The following PCDHA12 variants were observed in gnomAD, a reference collection of about 807,000 sequenced individuals.
PCDHA12 encodes protocadherin alpha-12.
A neutral mutation model predicts 60.0 loss-of-function variants in PCDHA12; 44 were observed. The observed-to-expected ratio is 0.73, with a 90% CI of 0.58 to 0.94. The LOEUF (loss-of-function observed/expected upper bound fraction) is 0.94, where lower values mean the gene tolerates loss of function less well. Among genes scored for constraint, PCDHA12 ranks in the 40% least tolerant of loss-of-function variants. The pLI is 0.00. For missense variants in PCDHA12, 1,276 were observed against 1,239.7 expected, an observed-to-expected ratio of 1.03 and a Z score of -0.44; for synonymous variants, 569 against 553.0, an observed-to-expected ratio of 1.03 and a Z score of -0.40.
At chr5:140,962,710 T>C (rs2095702479) in intron 1 of PCDHA12, among the ~76,000 whole-genome samples, 1 of 152,246 alleles carries the variant, frequency 6.6e-6, no homozygotes, top group South Asian at 2.1e-4. Context: ...ATAATCATAT[T>C]GGAAAGTATT....
chr5:140,891,148 A>C (rs913917156), intron 1 of PCDHA12, among the ~76,000 whole-genome samples: 2 of 151,726 alleles, frequency 1.3e-5, no homozygotes, highest in Non-Finnish European at 2.9e-5. Flanking sequence ...TATTCTGTTT[A>C]TTTTCCTTTG....
At chr5:140,948,136 T>C (rs2094216707) in intron 1 of PCDHA12, among the ~76,000 whole-genome samples, 1 of 151,776 alleles carries the variant, frequency 6.6e-6, no homozygotes, top group African/African-American at 2.4e-5. Flanking sequence ...ATTACACTAA[T>C]TGATTTTTGA....
chr5:140,935,447 A>G (rs542363713), intron 1 of PCDHA12, among the ~76,000 whole-genome samples: 1 of 152,364 alleles, frequency 6.6e-6, no homozygotes, highest in South Asian at 2.1e-4. Flanking sequence ...AAATAATATG[A>G]TACTGTAGCA....
intron 1 of PCDHA12, among the ~76,000 whole-genome samples, chr5:140,896,597 G>A (rs577303751): frequency 1.3e-5 from 2 of 151,484 alleles, no homozygotes; most frequent in African/African-American, 4.8e-5. Flanking sequence ...GGCTGGTCTC[G>A]AACTCCTGGT....
intron 1 of PCDHA12, among the ~76,000 whole-genome samples, chr5:140,884,904 A>G (rs2060400953): frequency 6.6e-6 from 1 of 152,226 alleles, no homozygotes; most frequent in Non-Finnish European, 1.5e-5. Flanking sequence ...TTTCTGTTGT[A>G]TTCTTAATAG....
At chr5:140,963,319 G>T (rs1554226565) in intron 1 of PCDHA12, among the ~76,000 whole-genome samples, 1 of 152,174 alleles carries the variant, frequency 6.6e-6, no homozygotes, top group East Asian at 1.9e-4. Flanking sequence ...GTTTGTATTA[G>T]AATTACACAG....
rs567582281 is a variant in PCDHA12 at position 140,946,595 on chromosome 5, G to C, written c.2368-32354G>C. ...CTTAGGTGTTCATAGTGGATGAATA[G>C]ATAAAGAAAATGTGAAATATATATA... On this transcript the variant is annotated intron_variant, in intron 1 of 3. Transcript: ENST00000398631. Among the ~76,000 whole-genome samples, 13 of 108,580 alleles carry C rather than the reference G, an allele frequency of 1.2e-4. No homozygotes were observed. In the South Asian group the frequency reaches 1.5e-3, roughly 12 times the overall value. 71.2% of individuals were successfully genotyped at this position (108,580 alleles called of 152,430 possible).
intron 1 of PCDHA12, chr5:140,967,407 G>A: frequency 6.2e-7 from 1 of 1,613,098 alleles, no homozygotes; most frequent in South Asian, 1.1e-5. Context: ...CTGCGTAAGG[G>A]CCTAGACCGG....
At chr5:140,928,074 C>CT in intron 1 of PCDHA12, 1 of 1,614,216 alleles carries the variant, frequency 6.2e-7, no homozygotes, top group Non-Finnish European at 8.5e-7. Context: ...TTGACAACTA[C>CT]TACAGCCTGC....
chr5:140,957,407 A>G lies in PCDHA12; in HGVS notation c.2368-21542A>G, dbSNP rs570373783. On this transcript the variant is annotated intron_variant, in intron 1 of 3. Coordinates refer to ENST00000398631, the MANE Select transcript of PCDHA12 (RefSeq NM_018903.4). ...GTTATAATTGTCCTAATTTATTATT[A>G]TTGTTGTTAATCTTTTACTGTGCCT... Among the ~76,000 whole-genome samples, 13 of 152,274 alleles carry G rather than the reference A, an allele frequency of 8.5e-5. No homozygotes were observed. The South Asian group carries it at 2.7e-3, about 32-fold the overall frequency.
chr5:140,978,633 CA>C (rs2096813426), intron 1 of PCDHA12, among the ~76,000 whole-genome samples: 1 of 152,214 alleles, frequency 6.6e-6, no homozygotes, highest in South Asian at 2.1e-4. Context: ...TTTCCTTTCT[CA>C]AAGCAGACTG....
chr5:140,982,507 G>C lies in PCDHA12; in HGVS notation c.2459G>C (p.Arg820Pro). 6.2e-7 allele frequency: 1 copy of C among 1,614,138 alleles called. No homozygotes were observed. ...CACCTAGAGGAGGCTGGCATTCTAC[G>C]GGCTGGTCCAGGAGGGCCTGATCAG... ...SVHLEEAGIL[R>P]AGPGGPDQQW... is the part of the protein sequence containing the mutation. The change falls in exon 3 of 4, where the codon CGG becomes CCG. Residue 820 changes from arginine to proline, a missense_variant. Coordinates refer to ENST00000398631, the MANE Select transcript of PCDHA12 (RefSeq NM_018903.4).
chr5:140,947,975 A>C lies in PCDHA12; in HGVS notation c.2368-30974A>C, dbSNP rs572156919. ...TTTTACAATTAAGTATGTGCTACTC[A>C]TAGGTTTTTCCCAAATACTTTATTA... On this transcript the variant is annotated intron_variant, in intron 1 of 3. Transcript: ENST00000398631. Among the ~76,000 whole-genome samples the C allele has an allele frequency of 2.7e-5, 4 of 150,726 alleles. No individual in the cohort carries two copies. In the East Asian group the frequency reaches 7.8e-4, roughly 29 times the overall value.
intron 3 of PCDHA12, among the ~76,000 whole-genome samples, chr5:141,008,809 C>A (rs1397377778): frequency 6.6e-6 from 1 of 152,160 alleles, no homozygotes; most frequent in African/African-American, 2.4e-5. Flanking sequence ...CAAATAGGCT[C>A]AATTTACAAC....
In PCDHA12 at chr5:140,893,987, T is replaced by C. The variant is rs112405686; in HGVS notation, c.2367+16148T>C. Among the ~76,000 whole-genome samples, 507 of 152,320 alleles carry C rather than the reference T, an allele frequency of 3.3e-3. 2 individuals carry two copies. The highest frequency in any genetic ancestry group is 0.012 in the African/African-American group (487 of 41,562). ...TAGATACTTTTATAATTTTAAAATA[T>C]CTCCAATTGTATGGTTGGTTCAAAT... is the stretch of plus-strand genomic sequence containing the variant. On this transcript the variant is annotated intron_variant, in intron 1 of 3. Transcript: ENST00000398631.
At position 140,985,761 on chromosome 5, in the gene PCDHA12, A is replaced by C. The variant is rs1239020885; in HGVS notation, c.2515+3198A>C. On this transcript the variant is annotated intron_variant, in intron 3 of 3. Transcript: ENST00000398631. ...TTCCTTTTTTTTTTTTTTTTTTTTGAGACAGTCTCGCTCTGTCGCCCAGGC... is the reference window on the plus strand; with the variant it reads ...TTCCTTTTTTTTTTTTTTTTTTTTGCGACAGTCTCGCTCTGTCGCCCAGGC... 7.9e-5 allele frequency among the ~76,000 whole-genome samples: 5 copies of C among 63,266 alleles called. No individual in the cohort carries two copies. In the East Asian group the frequency reaches 3.3e-3, roughly 41 times the overall value. 41.5% of individuals were successfully genotyped at this position (63,266 alleles called of 152,430 possible). A position where few individuals can be genotyped will look rare whatever the true frequency, so the allele number is the denominator to read the frequency against.
intron 3 of PCDHA12, among the ~76,000 whole-genome samples, chr5:141,001,642 G>A (rs1399710505): frequency 6.6e-6 from 1 of 152,110 alleles, no homozygotes; most frequent in African/African-American, 2.4e-5. Flanking sequence ...GGGGGTGAAG[G>A]TGTGGGAGAA....
At chr5:140,971,692 C>G (rs2096492766) in intron 1 of PCDHA12, among the ~76,000 whole-genome samples, 1 of 152,116 alleles carries the variant, frequency 6.6e-6, no homozygotes, top group South Asian at 2.1e-4. Context: ...TTTGTACTCA[C>G]TAACCACCCT....
At chr5:140,958,696 G>A (rs1276859394) in intron 1 of PCDHA12, among the ~76,000 whole-genome samples, 1 of 152,156 alleles carries the variant, frequency 6.6e-6, no homozygotes, top group African/African-American at 2.4e-5. Flanking sequence ...ATATCCTAGA[G>A]TGACAACTCT....
Sources: gnomAD v4.1 joint callset for allele counts (sites outside exome capture counted in the v4.1 genomes callset) on GRCh38, gnomAD v4.1.1 for gene constraint, MANE v1.5 for transcripts, NCBI Gene and HGNC (gene_info 2026-07-23, HGNC 2026-07-21) for gene names.